The following CAST variants were observed in gnomAD, a reference collection of about 807,000 sequenced individuals.
CAST encodes MIR583 host.
CAST carries 76 observed loss-of-function variants against 119.6 expected under a neutral mutation model. The ratio of observed to expected loss-of-function variants is 0.64; its 90% CI spans 0.53 to 0.77. The LOEUF (loss-of-function observed/expected upper bound fraction) is 0.77, where lower values mean the gene tolerates loss of function less well. Among genes scored for constraint, CAST ranks in the 30% least tolerant of loss-of-function variants. CAST has a pLI of 0.00. For synonymous variants in CAST, 319 were observed against 331.6 expected (o/e 0.96, Z 0.41); for missense variants, 953 against 946.5 (o/e 1.01, Z -0.09).
the CAST span, among the ~76,000 whole-genome samples, chr5:96,417,753 T>G: frequency 2.6e-5 from 4 of 152,338 alleles, no homozygotes; most frequent in South Asian, 8.3e-4. Flanking sequence ...ATTCTTTCAT[T>G]TGCAACTGAA....
chr5:96,239,962 G>T, the CAST span, among the ~76,000 whole-genome samples: 2 of 151,712 alleles, frequency 1.3e-5, no homozygotes, highest in Non-Finnish European at 2.9e-5. Context: ...TATCTAATTT[G>T]TAATTTAACC....
chr5:96,397,487 G>A, the CAST span: 6 of 1,606,180 alleles, frequency 3.7e-6, no homozygotes, highest in Non-Finnish European at 5.1e-6. Flanking sequence ...ACAAATACAA[G>A]TTAATGAATG....
the CAST span, among the ~76,000 whole-genome samples, chr5:96,028,034 A>G: frequency 6.6e-6 from 1 of 152,112 alleles, no homozygotes; most frequent in Non-Finnish European, 1.5e-5. Context: ...TCCAATTCAA[A>G]TGAATGATTA....
chr5:96,080,691 T>C, the CAST span, among the ~76,000 whole-genome samples: 1 of 152,210 alleles, frequency 6.6e-6, no homozygotes, highest in Non-Finnish European at 1.5e-5. Context: ...TTGTGGGAGA[T>C]AAGTTTAAAT....
At chr5:96,305,206 G>A in the CAST span, among the ~76,000 whole-genome samples, 26 of 152,090 alleles carry the variant, frequency 1.7e-4, no homozygotes, top group Admixed American at 1.6e-3. Flanking sequence ...TATTCTCTTT[G>A]TAGCAACTGT....
At chr5:96,483,407 T>C in the CAST span, among the ~76,000 whole-genome samples, 25 of 152,324 alleles carry the variant, frequency 1.6e-4, no homozygotes, top group Admixed American at 4.6e-4. Flanking sequence ...TTGTACCTAG[T>C]AAGTTCTCAA....
intron 24 of CAST, among the ~76,000 whole-genome samples, chr5:96,758,574 T>A (rs1243994065): frequency 1.3e-5 from 2 of 152,210 alleles, no homozygotes; most frequent in Admixed American, 1.3e-4. Flanking sequence ...GACAGTGGCA[T>A]GGAAAATATA....
chr5:96,121,402 G>C, the CAST span, among the ~76,000 whole-genome samples: 1 of 151,158 alleles, frequency 6.6e-6, no homozygotes, highest in Non-Finnish European at 1.5e-5. Context: ...TCCTTTCATA[G>C]TTTCACTCTG....
the CAST span, among the ~76,000 whole-genome samples, chr5:95,975,668 G>A: frequency 6.6e-6 from 1 of 152,180 alleles, no homozygotes; most frequent in Admixed American, 6.5e-5. Context: ...AACATGCAGT[G>A]AGCAGTATAA....
chr5:96,760,705 C>G (rs1767630273), intron 24 of CAST: 1 of 151,604 alleles, frequency 6.6e-6, no homozygotes. Context: ...TTAATGTAAA[C>G]TATAAAAGGA....
At chr5:96,769,095 GGAAACGT>G (rs2150766097) in intron 29 of CAST, 1 of 152,284 alleles carries the variant, frequency 6.6e-6, no homozygotes, top group East Asian at 1.9e-4. Context: ...TCAAATAGAA[GGAAACGT>G]GAAATGAGTA....
At chr5:96,629,217 C>T (rs753593134) in intron 1 of CAST, among the ~76,000 whole-genome samples, 1 of 152,216 alleles carries the variant, frequency 6.6e-6, no homozygotes, top group Non-Finnish European at 1.5e-5. Flanking sequence ...TCTGGTACCT[C>T]TCTCTATGGT....
intron 1 of CAST, among the ~76,000 whole-genome samples, chr5:96,588,400 C>G (rs890795443): frequency 6.6e-6 from 1 of 151,874 alleles, no homozygotes; most frequent in African/African-American, 2.4e-5. Context: ...TGGGGCTTCA[C>G]CATGTTGGCC....
the CAST span, among the ~76,000 whole-genome samples, chr5:96,371,334 T>C: frequency 6.6e-6 from 1 of 152,228 alleles, no homozygotes; most frequent in Non-Finnish European, 1.5e-5. Context: ...CCACCTCATG[T>C]AGATGCTGTA....
At chr5:96,485,770 C>T in the CAST span, among the ~76,000 whole-genome samples, 1 of 152,068 alleles carries the variant, frequency 6.6e-6, no homozygotes. Context: ...ATATATAATT[C>T]TTCAGCTTCA....
At chr5:96,504,836 C>A in the CAST span, among the ~76,000 whole-genome samples, 3 of 152,156 alleles carry the variant, frequency 2.0e-5, no homozygotes, top group Non-Finnish European at 4.4e-5. Context: ...GTTGTTTTGC[C>A]ATTTCTAGAA....
chr5:96,096,455 AG>A, the CAST span, among the ~76,000 whole-genome samples: 3 of 152,192 alleles, frequency 2.0e-5, no homozygotes, highest in African/African-American at 7.2e-5. Context: ...AAAAGGACAA[AG>A]GAAGGTGATA....
chr5:96,463,065 C>T, the CAST span, among the ~76,000 whole-genome samples: 4 of 151,924 alleles, frequency 2.6e-5, no homozygotes, highest in South Asian at 2.1e-4. Context: ...CACGTGATAA[C>T]GTGTATCTAA....
At chr5:96,381,976 TTAAA>T in the CAST span, among the ~76,000 whole-genome samples, 1 of 152,202 alleles carries the variant, frequency 6.6e-6, no homozygotes, top group South Asian at 2.1e-4. Flanking sequence ...TAATGTGGCG[TTAAA>T]TAAATCTATA....
Sources: allele counts gnomAD v4.1 joint callset (sites outside exome capture counted in the v4.1 genomes callset), GRCh38; gene constraint gnomAD v4.1.1; transcripts MANE v1.5; gene names NCBI Gene and HGNC (gene_info 2026-07-23, HGNC 2026-07-21).